Variants in CFAP43 observed in about 807,000 individuals in gnomAD.
CFAP43 encodes cilia- and flagella-associated protein 43.
A neutral mutation model predicts 218.9 loss-of-function variants in CFAP43; 155 were observed. The ratio of observed to expected loss-of-function variants is 0.71; its 90% confidence interval spans 0.62 to 0.81. The LOEUF is 0.81. Among genes scored for constraint, CFAP43 ranks in the 30% least tolerant of loss-of-function variants. The pLI is 0.00. For synonymous variants in CFAP43, 645 were observed against 681.3 expected (o/e 0.95, Z 0.83); for missense variants, 1,778 against 1,954.3 (o/e 0.91, Z 1.70).
Position 104,214,251 on chromosome 10 carries a change from G to T in CFAP43, c.584+8C>A. 1 of 1,562,788 alleles carries T rather than the reference G, an allele frequency of 6.4e-7. No individual in the cohort carries two copies. Among genetic ancestry groups the T allele is most frequent in the Non-Finnish European group, 8.7e-7 (1 of 1,154,476 alleles). ...CCATGTTGCTACTGTTGTAACAAAG[G>T]CTCCTACCTTGCTCTGAAACAATGC... On this transcript the variant is annotated splice_region_variant and intron_variant, in intron 4 of 37. Coordinates refer to ENST00000357060, the MANE Select transcript of CFAP43 (RefSeq NM_025145.7).
intron 11 of CFAP43, 120 bp downstream of exon 11, chr10:104,193,746 A>G (rs1353278315): frequency 1.5e-6 from 2 of 1,308,610 alleles, no homozygotes; most frequent in Admixed American, 5.1e-5. Flanking sequence ...GTGTGAATAT[A>G]TTAACATTCA....
chr10:104,201,787 C>A (rs2090542597), intron 8 of CFAP43, among the ~76,000 whole-genome samples: 1 of 151,962 alleles, frequency 6.6e-6, no homozygotes, highest in Admixed American at 6.6e-5. Flanking sequence ...GCATCATAGA[C>A]CTTCCCACCT....
intron 8 of CFAP43, 105 bp downstream of exon 8, chr10:104,203,567 G>A: frequency 9.1e-7 from 1 of 1,097,324 alleles, no homozygotes; most frequent in South Asian, 2.4e-5. Flanking sequence ...GTCTTGACAA[G>A]TAGAGTACCA....
intron 27 of CFAP43, among the ~76,000 whole-genome samples, chr10:104,160,709 C>A (rs1009690113): frequency 6.6e-6 from 1 of 152,146 alleles, no homozygotes; most frequent in Non-Finnish European, 1.5e-5. Flanking sequence ...CAACACAGAG[C>A]AATACCTTGC....
chr10:104,170,476 G>A (rs2089363357), intron 20 of CFAP43, among the ~76,000 whole-genome samples: 1 of 152,086 alleles, frequency 6.6e-6, no homozygotes, highest in Admixed American at 6.6e-5. Context: ...GAGGAAGCGG[G>A]CAGGCACTGA....
At chr10:104,159,474 A>G (rs79066113) in intron 27 of CFAP43, among the ~76,000 whole-genome samples, 1,808 of 152,288 alleles carry the variant, frequency 0.012, 41 homozygotes, top group African/African-American at 0.042. Flanking sequence ...TTGATGATGC[A>G]GGAAAGAAGA....
intron 7 of CFAP43, among the ~76,000 whole-genome samples, chr10:104,205,759 T>A (rs769282752): frequency 6.6e-6 from 1 of 152,188 alleles, no homozygotes; most frequent in Non-Finnish European, 1.5e-5. Context: ...TATATGGTAG[T>A]TCATTATATC....
At chr10:104,177,368 T>C (rs1198358807) in intron 19 of CFAP43, among the ~76,000 whole-genome samples, 1 of 152,186 alleles carries the variant, frequency 6.6e-6, no homozygotes, top group Non-Finnish European at 1.5e-5. Context: ...TTAATGAACC[T>C]GGAGAGACCC....
chr10:104,145,268 T>C (rs1408962525), intron 31 of CFAP43, among the ~76,000 whole-genome samples: 1 of 152,246 alleles, frequency 6.6e-6, no homozygotes, highest in Non-Finnish European at 1.5e-5. Flanking sequence ...TTTTAAATAA[T>C]GAAAATAAAT....
intron 36 of CFAP43, 88 bp from the exon 37 acceptor site, chr10:104,131,572 T>A: frequency 7.4e-7 from 1 of 1,353,586 alleles, no homozygotes; most frequent in East Asian, 2.5e-5. Context: ...ATATTTTAAA[T>A]ACATTATCAT....
At chr10:104,158,908 T>C (rs1401253588) in intron 27 of CFAP43, among the ~76,000 whole-genome samples, 1 of 152,090 alleles carries the variant, frequency 6.6e-6, no homozygotes, top group Non-Finnish European at 1.5e-5. Context: ...ATACAATATA[T>C]ATATAACATA....
chr10:104,214,311 C>T lies in CFAP43; in HGVS notation c.532G>A (p.Val178Met). 6 of 1,608,802 alleles carry T rather than the reference C, an allele frequency of 3.7e-6. No individual in the cohort carries two copies. Among genetic ancestry groups the T allele is most frequent in the Non-Finnish European group, 5.1e-6 (6 of 1,177,230 alleles). Residue 178 changes from valine (V) to methionine (M), a missense_variant, in exon 4 of 38, where the codon GTG becomes ATG. Around this residue, in one of 3 missense-constraint regions of CFAP43, gnomAD observed 1,553 missense variants for 1,685.2 expected, o/e 0.92. Coordinates refer to ENST00000357060, the MANE Select transcript of CFAP43 (RefSeq NM_025145.7). The part of the protein sequence containing the change: ...RQLCLSSPST[V>M]SVWTIERSNQ... Reference sequence around the variant, plus strand: ...CTTCTTTCAATGGTCCACACGCTCACTGTACTTGGACTTGATAAGCACAGC... The same window carrying T: ...CTTCTTTCAATGGTCCACACGCTCATTGTACTTGGACTTGATAAGCACAGC...
chr10:104,184,001 T>G (rs1418803505), intron 16 of CFAP43, among the ~76,000 whole-genome samples: 1 of 152,218 alleles, frequency 6.6e-6, no homozygotes, highest in East Asian at 1.9e-4. Context: ...ATTTTCACAA[T>G]GTTGCAGAGA....
Position 104,146,286 on chromosome 10 carries a change from C to T in CFAP43, c.3832G>A (p.Asp1278Asn), listed in dbSNP as rs775100066. 6.2e-7 allele frequency: 1 copy of T among 1,613,718 alleles called. No individual in the cohort carries two copies. Among genetic ancestry groups the T allele is most frequent in the Non-Finnish European group, 8.5e-7 (1 of 1,179,698 alleles). The change falls in exon 30 of 38, where the codon GAC (aspartate) becomes AAC (asparagine). Residue 1278 changes from aspartate (D) to asparagine (N), a missense_variant. Asp to Asn is a conservative substitution (Grantham distance 23). This residue lies in a region of CFAP43 where 1,553 missense variants were observed against 1,685.2 expected (regional missense o/e 0.92). Coordinates refer to ENST00000357060, the MANE Select transcript of CFAP43 (RefSeq NM_025145.7). ...EDLDVCKEHY[D>N]NLLAEDKVMD... ...ACTTTGTCTTCTGCCAGTAAGTTGT[C>T]ATAGTGCTCCTTGCACACATCCAGG... is the stretch of plus-strand genomic sequence containing the variant.
intron 27 of CFAP43, among the ~76,000 whole-genome samples, chr10:104,154,420 T>G (rs1344299834): frequency 2.0e-5 from 3 of 152,146 alleles, no homozygotes; most frequent in Non-Finnish European, 4.4e-5. Flanking sequence ...TTAAGCTACC[T>G]AACAGTGAGG....
chr10:104,202,788 C>A (rs2090569982), intron 8 of CFAP43, among the ~76,000 whole-genome samples: 1 of 149,250 alleles, frequency 6.7e-6, no homozygotes, highest in South Asian at 2.1e-4. Context: ...TTAAGTTAGT[C>A]ATTTATTTAT....
At chr10:104,142,427 T>TA (rs762098544) in intron 32 of CFAP43, 34 bp from the exon 33 acceptor site, 4 of 1,546,820 alleles carry the variant, frequency 2.6e-6, no homozygotes, top group Non-Finnish European at 3.5e-6. Flanking sequence ...TGTCAGAACA[T>TA]ATGGAGCTTC....
At chr10:104,161,290 C>T in intron 26 of CFAP43, 128 bp from the exon 27 acceptor site, 2 of 985,078 alleles carry the variant, frequency 2.0e-6, no homozygotes, top group South Asian at 1.9e-5. Flanking sequence ...AGGAAAACGA[C>T]CTGACATCTT....
At chr10:104,179,631 C>G (rs141147186) in intron 18 of CFAP43, among the ~76,000 whole-genome samples, 1 of 152,304 alleles carries the variant, frequency 6.6e-6, no homozygotes, top group East Asian at 1.9e-4. Flanking sequence ...ACGTACAGTT[C>G]TTAAAGCTCA....
Sources: gnomAD v4.1 joint callset for allele counts (sites outside exome capture counted in the v4.1 genomes callset) on GRCh38, gnomAD v4.1.1 for gene constraint, gnomAD v4.1.1 regional missense constraint, MANE v1.5 for transcripts, NCBI Gene and HGNC (gene_info 2026-07-23, HGNC 2026-07-21) for gene names.